JAKMIP1: variants seen among roughly 807,000 people sequenced by gnomAD.
The protein encoded by JAKMIP1 is janus kinase and microtubule interacting protein 1, also known as janus kinase and microtubule-interacting protein 1.
A neutral mutation model predicts 113.0 loss-of-function variants in JAKMIP1; 33 were observed. The observed-to-expected ratio is 0.29, with a 90% confidence interval of 0.22 to 0.39. The LOEUF is 0.39. JAKMIP1 is among the 10% of genes least tolerant of loss of function. JAKMIP1 has a pLI of 1.00. For missense variants in JAKMIP1, 813 were observed against 1,080.5 expected, an observed-to-expected ratio of 0.75 and a Z score of 3.47; for synonymous variants, 480 against 459.9, an observed-to-expected ratio of 1.04 and a Z score of -0.56.
chr4:6,081,697 C>T lies in JAKMIP1; in HGVS notation c.1013G>A (p.Arg338Gln), dbSNP rs756138238. ...QLKPLVEKNK[R>Q]MNKKNEDLLQ... is the part of the protein sequence containing the mutation. ...CAGATCCTCATTCTTCTTGTTCATC[C>T]GCTTGTTCTTCTCCACCAGGGGCTT... The change falls in exon 6 of 21, where the codon CGG becomes CAG. Residue 338 changes from arginine to glutamine, a missense_variant. Around this residue, in one of 2 missense-constraint regions of JAKMIP1, gnomAD observed 540 missense variants for 653.9 expected, o/e 0.83. Coordinates refer to ENST00000409021, the MANE Select transcript of JAKMIP1 (RefSeq NM_001099433.2). This position sits in a 1 kb window ranked among gnomAD's most constrained non-coding sequence, Gnocchi z 4.6. The T allele has an allele frequency of 1.2e-5, 20 of 1,614,042 alleles. No homozygotes were observed. Among genetic ancestry groups the T allele is most frequent in the Non-Finnish European group, 1.5e-5 (18 of 1,180,036 alleles).
At chr4:6,026,866 A>ATTT (rs370379960) in intron 20 of JAKMIP1, among the ~76,000 whole-genome samples, 9 of 140,704 alleles carry the variant, frequency 6.4e-5, no homozygotes, top group African/African-American at 2.1e-4. Flanking sequence ...ATTTCTTTGC[A>ATTT]TTTTTTTTTT....
chr4:6,062,445 A>G lies in JAKMIP1; in HGVS notation c.1432-5T>C, dbSNP rs752807668. The G allele has an allele frequency of 8.9e-5, 143 of 1,610,026 alleles. No homozygotes were observed. Among genetic ancestry groups the G allele is most frequent in the Non-Finnish European group, 1.2e-4 (137 of 1,177,730 alleles). On this transcript the variant is annotated splice_polypyrimidine_tract_variant and splice_region_variant and intron_variant, in intron 9 of 20. Coordinates refer to ENST00000409021, the MANE Select transcript of JAKMIP1 (RefSeq NM_001099433.2). ...AGCCTCCTCTCGGGCTGTGGCCTTC[A>G]CATAATGGAGAAGAAAACAAATAAT...
In JAKMIP1 at chr4:6,197,378, G is replaced by T. The variant is rs547136957; in HGVS notation, c.-148+2875C>A. 6.6e-6 allele frequency among the ~76,000 whole-genome samples: 1 copy of T among 152,138 alleles called. No individual in the cohort carries two copies. The highest frequency in any genetic ancestry group is 1.5e-5 in the Non-Finnish European group (1 of 68,022). On this transcript the variant is annotated intron_variant, in intron 1 of 20. Transcript: ENST00000409021. This position sits in a 1 kb window ranked among gnomAD's most constrained non-coding sequence, Gnocchi z 6.5. ...AGTTTGCTCTGTGACAAGGCTAAAT[G>T]AATAAATATTCTCATAGCTTCTTCA...
Position 6,105,872 on chromosome 4 carries a change from C to T in JAKMIP1, c.225G>A (p.Lys75=), listed in dbSNP as rs775905485. The T allele has an allele frequency of 2.5e-6, 4 of 1,612,100 alleles. No individual in the cohort carries two copies. Among genetic ancestry groups the T allele is most frequent in the Admixed American group, 3.3e-5 (2 of 59,994 alleles). The change falls in exon 3 of 21, where the codon AAG becomes AAA. Residue 75 remains lysine (K), a synonymous_variant. Coordinates refer to ENST00000409021, the MANE Select transcript of JAKMIP1 (RefSeq NM_001099433.2). ...GCTCCTTGGTCTTCTCCTCATGCAG[C>T]TTGGCCTTGAGCTCCGAAATGTAGG... is the stretch of plus-strand genomic sequence containing the variant. ...HTAYISELKA[K]LHEEKTKELQ...
chr4:6,066,717 C>A (rs1718141711), intron 8 of JAKMIP1, among the ~76,000 whole-genome samples: 2 of 152,046 alleles, frequency 1.3e-5, no homozygotes, highest in African/African-American at 2.4e-5. Flanking sequence ...ACTCAAAATC[C>A]AGCCCTCTCT....
chr4:6,087,265 C>G (rs1425729597), intron 3 of JAKMIP1, among the ~76,000 whole-genome samples: 1 of 152,144 alleles, frequency 6.6e-6, no homozygotes, highest in African/African-American at 2.4e-5. Context: ...CGCCCACCCC[C>G]CAACCCTGAC....
intron 1 of JAKMIP1, among the ~76,000 whole-genome samples, chr4:6,119,045 G>A (rs1303524826): frequency 6.6e-6 from 1 of 152,156 alleles, no homozygotes; most frequent in African/African-American, 2.4e-5. Flanking sequence ...GGCCACACCA[G>A]GGAAGCCCAG....
intron 8 of JAKMIP1, 25 bp downstream of exon 8, chr4:6,078,914 G>A: frequency 8.1e-6 from 13 of 1,613,148 alleles, no homozygotes; most frequent in Non-Finnish European, 7.6e-6. Context: ...GGCAAGGTAG[G>A]GCAGGTGCAC....
rs1300242522 is a variant in JAKMIP1, at chr4:6,112,972, C to A, written c.-122G>T. ...GTCGCGCAGGACTCAGCTCGCCCTCCGAGGAAACCACCATCACTTGGGATC... is the reference window on the plus strand; with the variant it reads ...GTCGCGCAGGACTCAGCTCGCCCTCAGAGGAAACCACCATCACTTGGGATC... On this transcript the variant is annotated 5_prime_UTR_variant, in exon 2 of 21. Transcript: ENST00000409021. 2.2e-6 allele frequency: 3 copies of A among 1,347,944 alleles called. No homozygotes were observed. Among genetic ancestry groups the A allele is most frequent in the African/African-American group, 2.9e-5 (2 of 67,954 alleles). 83.5% of individuals were successfully genotyped at this position (1,347,944 alleles called of 1,614,324 possible). A position where few individuals can be genotyped will look rare whatever the true frequency, so the allele number is the denominator to read the frequency against.
At chr4:6,151,995 T>C (rs988922541) in intron 1 of JAKMIP1, among the ~76,000 whole-genome samples, 7 of 152,080 alleles carry the variant, frequency 4.6e-5, no homozygotes, top group Non-Finnish European at 1.0e-4. Flanking sequence ...CTCGCCACTA[T>C]GCCTGATACA....
chr4:6,101,776 G>A (rs1713082835), intron 3 of JAKMIP1, among the ~76,000 whole-genome samples: 1 of 150,472 alleles, frequency 6.6e-6, no homozygotes, highest in African/African-American at 2.4e-5. Flanking sequence ...CATGGTGGCA[G>A]GCATCTGTAA....
In JAKMIP1 at chr4:6,030,953, C is replaced by T. The variant is rs577725401; in HGVS notation, c.2380-1172G>A. 3.5e-4 allele frequency among the ~76,000 whole-genome samples: 54 copies of T among 152,248 alleles called. 2 individuals carry two copies. The South Asian group carries it at 1.0e-2, about 28-fold the overall frequency. On this transcript the variant is annotated intron_variant, in intron 19 of 20. Transcript: ENST00000409021. ...ATGAGGACGCAGACGGTCCGGGGCC[C>T]CTGCTTTGAGAACCACCACTGTGGG...
At chr4:6,118,975 A>G (rs1029090077) in intron 1 of JAKMIP1, among the ~76,000 whole-genome samples, 1 of 152,226 alleles carries the variant, frequency 6.6e-6, no homozygotes, top group Non-Finnish European at 1.5e-5. Context: ...TAGGAGATGC[A>G]CAGAGAAGAC....
intron 1 of JAKMIP1, among the ~76,000 whole-genome samples, chr4:6,196,814 T>A (rs1578533410): frequency 6.6e-6 from 1 of 150,742 alleles, no homozygotes; most frequent in East Asian, 2.0e-4. Context: ...TGAGCCAAAA[T>A]TGTGCCATTG....
In JAKMIP1 at chr4:6,167,373, G is replaced by C. The variant is rs934975918; in HGVS notation, c.-148+32880C>G. On this transcript the variant is annotated intron_variant, in intron 1 of 20. Coordinates refer to ENST00000409021, the MANE Select transcript of JAKMIP1 (RefSeq NM_001099433.2). This position sits in a 1 kb window ranked among gnomAD's most constrained non-coding sequence, Gnocchi z 5.3. Reference sequence around the variant, plus strand: ...CTCTGCTCTGGCCTGGACCACTCCAGCCACCTCCTCACTCACCACCCTACC... The same window carrying C: ...CTCTGCTCTGGCCTGGACCACTCCACCCACCTCCTCACTCACCACCCTACC... 8.6e-5 allele frequency among the ~76,000 whole-genome samples: 13 copies of C among 151,658 alleles called. No individual in the cohort carries two copies. The highest frequency in any genetic ancestry group is 7.9e-4 in the Admixed American group (12 of 15,234).
At position 6,138,916 on chromosome 4, in the gene JAKMIP1, G is replaced by A. The variant is rs542689409; in HGVS notation, c.-147-25919C>T. On this transcript the variant is annotated intron_variant, in intron 1 of 20. Coordinates refer to ENST00000409021, the MANE Select transcript of JAKMIP1 (RefSeq NM_001099433.2). The surrounding 1 kb of genome is among the most constrained non-coding windows in gnomAD (Gnocchi z 6.0). ...GCCAGTTGGGCGCTAAGCAACTACT[G>A]CTTACTGCCTTGATTCCTGGGCTTA... Among the ~76,000 whole-genome samples, 27 of 152,272 alleles carry A rather than the reference G, an allele frequency of 1.8e-4. No homozygotes were observed. The South Asian group carries it at 5.4e-3, about 30-fold the overall frequency.
At position 6,034,130 on chromosome 4, in the gene JAKMIP1, T is replaced by C. The variant is rs574961917; in HGVS notation, c.2379+1774A>G. 4.2e-5 allele frequency among the ~76,000 whole-genome samples: 4 copies of C among 96,102 alleles called. No homozygotes were observed. In the South Asian group the frequency reaches 1.1e-3, roughly 27 times the overall value. The allele number at this position is 96,102 out of a possible 152,430, so 63.0% of individuals were successfully genotyped here. On this transcript the variant is annotated intron_variant, in intron 19 of 20. Transcript: ENST00000409021. ...TACAACCACTGTTCCAGGGTGGTGG[T>C]TTCTCTGTAAAATCCTATATACAGG...
chr4:6,159,005 C>T (rs892979761), intron 1 of JAKMIP1, among the ~76,000 whole-genome samples: 10 of 151,578 alleles, frequency 6.6e-5, no homozygotes, highest in African/African-American at 2.2e-4. Context: ...AGGAAGATAG[C>T]TTGAGCCCTG....
At position 6,076,525 on chromosome 4, in the gene JAKMIP1, A is replaced by T. The variant is rs1007634084; in HGVS notation, c.1302+2414T>A. On this transcript the variant is annotated intron_variant, in intron 8 of 20. Coordinates refer to ENST00000409021, the MANE Select transcript of JAKMIP1 (RefSeq NM_001099433.2). The surrounding 1 kb of genome is among the most constrained non-coding windows in gnomAD (Gnocchi z 4.8). ...TCATCTGAGAATCCAGGACCTAGCAAATCACCAATGAGCCAGGCCACTCTA... is the reference window on the plus strand; with the variant it reads ...TCATCTGAGAATCCAGGACCTAGCATATCACCAATGAGCCAGGCCACTCTA... 6.6e-6 allele frequency among the ~76,000 whole-genome samples: 1 copy of T among 152,218 alleles called. No individual in the cohort carries two copies. The highest frequency in any genetic ancestry group is 6.5e-5 in the Admixed American group (1 of 15,270).
Sources: allele counts gnomAD v4.1 joint callset (sites outside exome capture counted in the v4.1 genomes callset), GRCh38; gene constraint gnomAD v4.1.1; regional missense constraint gnomAD v4.1.1; non-coding constraint Gnocchi (gnomAD v3.1); transcripts MANE v1.5; gene names NCBI Gene and HGNC (gene_info 2026-07-23, HGNC 2026-07-21).